Variants in ARHGEF3 observed in about 807,000 individuals in gnomAD.
The protein encoded by ARHGEF3 is 59.8 kDA protein.
In ARHGEF3, 28 loss-of-function variants were observed where a neutral mutation model predicts 63.2. The ratio of observed to expected loss-of-function variants is 0.44; its 90% CI spans 0.33 to 0.61. The LOEUF is 0.61. ARHGEF3 is among the 20% of genes least tolerant of loss of function. ARHGEF3 has a pLI of 0.03. For synonymous variants in ARHGEF3, 266 were observed against 254.2 expected (o/e 1.05, Z -0.44); for missense variants, 533 against 659.3 (o/e 0.81, Z 2.10).
At chr3:56,872,473 A>G (rs12485693) in intron 4 of ARHGEF3, among the ~76,000 whole-genome samples, 15,151 of 151,800 alleles carry the variant, frequency 0.1, 1,032 homozygotes, top group East Asian at 0.3. Flanking sequence ...ATCATAAACA[A>G]TGCTGTAATA....
Position 57,068,102 on chromosome 3 carries a change from G to T in ARHGEF3, c.-28+11124C>A, listed in dbSNP as rs559565034. 1.8e-3 allele frequency among the ~76,000 whole-genome samples: 275 copies of T among 152,114 alleles called. 4 individuals are homozygous for T. In the South Asian group the frequency reaches 0.031, roughly 17 times the overall value. ...GCAAGAGGATCACTTGAGCCCAGAGGACACTAGACACGCATAGGGTAACTA... is the reference window on the plus strand; with the variant it reads ...GCAAGAGGATCACTTGAGCCCAGAGTACACTAGACACGCATAGGGTAACTA... On this transcript the variant is annotated intron_variant, in intron 1 of 12. Coordinates refer to the ARHGEF3 transcript ENST00000338458.
intron 2 of ARHGEF3, among the ~76,000 whole-genome samples, chr3:56,758,253 C>G (rs1364347184): frequency 2.7e-5 from 4 of 150,756 alleles, no homozygotes; most frequent in Non-Finnish European, 5.9e-5. Context: ...TGTACTCCAG[C>G]CTGGGCGACA....
intron 1 of ARHGEF3, chr3:57,079,153 T>C (rs118059814): frequency 1.9e-4 from 73 of 386,848 alleles, no homozygotes; most frequent in East Asian, 1.1e-4. Flanking sequence ...AGCGGGGGTG[T>C]CCCGCCAAAG....
chr3:56,962,914 G>A (rs943184204), intron 2 of ARHGEF3, among the ~76,000 whole-genome samples: 1 of 152,174 alleles, frequency 6.6e-6, no homozygotes, highest in African/African-American at 2.4e-5. Flanking sequence ...AAATGTGACT[G>A]TTTCTCGTCA....
At chr3:57,022,020 C>T (rs1287921355) in intron 2 of ARHGEF3, among the ~76,000 whole-genome samples, 1 of 152,180 alleles carries the variant, frequency 6.6e-6, no homozygotes, top group African/African-American at 2.4e-5. Context: ...CCTGCAATCC[C>T]AGCGCTTTGA....
intron 1 of ARHGEF3, among the ~76,000 whole-genome samples, chr3:57,077,442 G>A (rs1322735007): frequency 2.0e-5 from 3 of 152,124 alleles, no homozygotes; most frequent in Non-Finnish European, 4.4e-5. Flanking sequence ...AGTGCCTCGT[G>A]TAGATTTCAG....
At chr3:57,072,951 C>T (rs1326774898) in intron 1 of ARHGEF3, among the ~76,000 whole-genome samples, 1 of 152,108 alleles carries the variant, frequency 6.6e-6, no homozygotes, top group Non-Finnish European at 1.5e-5. Context: ...GAGGCTGAAG[C>T]AGGAGAATCA....
chr3:56,752,931 G>A (rs1198397602), intron 4 of ARHGEF3, among the ~76,000 whole-genome samples: 1 of 152,222 alleles, frequency 6.6e-6, no homozygotes, highest in Non-Finnish European at 1.5e-5. Context: ...ATCAGATGAA[G>A]GAGTCTGGAT....
intron 2 of ARHGEF3, among the ~76,000 whole-genome samples, chr3:57,022,840 C>T (rs1439497288): frequency 3.3e-5 from 5 of 152,054 alleles, no homozygotes; most frequent in Non-Finnish European, 7.4e-5. Flanking sequence ...TCATCACCCA[C>T]ATCTGTACTG....
At chr3:57,022,989 C>CA (rs1240112476) in intron 2 of ARHGEF3, among the ~76,000 whole-genome samples, 1 of 152,108 alleles carries the variant, frequency 6.6e-6, no homozygotes, top group Non-Finnish European at 1.5e-5. Flanking sequence ...GTTATTCTCT[C>CA]AAAAAAGCTC....
intron 1 of ARHGEF3, among the ~76,000 whole-genome samples, chr3:56,796,539 T>G (rs1438974706): frequency 6.6e-6 from 1 of 152,190 alleles, no homozygotes; most frequent in Non-Finnish European, 1.5e-5. Flanking sequence ...CCCACTCCCG[T>G]GGGTTGCAGC....
intron 3 of ARHGEF3, among the ~76,000 whole-genome samples, chr3:56,937,275 G>C (rs1475859397): frequency 6.6e-6 from 1 of 152,116 alleles, no homozygotes; most frequent in South Asian, 2.1e-4. Flanking sequence ...TGATAACTTA[G>C]GTTTGATGAT....
chr3:57,065,778 T>C (rs6808743), intron 1 of ARHGEF3, among the ~76,000 whole-genome samples: 15,454 of 152,076 alleles, frequency 0.1, 1,016 homozygotes, highest in East Asian at 0.36. Flanking sequence ...AGAGGCAAGG[T>C]CATCCTCATT....
intron 4 of ARHGEF3, among the ~76,000 whole-genome samples, chr3:56,821,017 C>T (rs891939636): frequency 6.6e-6 from 1 of 151,380 alleles, no homozygotes; most frequent in African/African-American, 2.4e-5. Context: ...AAAACATTAG[C>T]CAGGTTTAGT....
At chr3:56,898,842 G>C (rs888400955) in intron 3 of ARHGEF3, among the ~76,000 whole-genome samples, 43 of 152,148 alleles carry the variant, frequency 2.8e-4, no homozygotes, top group African/African-American at 1.0e-3. Flanking sequence ...AGATCACGAG[G>C]TCAAGAGATC....
chr3:57,005,252 T>C (rs1273909243), intron 2 of ARHGEF3, among the ~76,000 whole-genome samples: 1 of 152,182 alleles, frequency 6.6e-6, no homozygotes, highest in Non-Finnish European at 1.5e-5. Flanking sequence ...AATCTTATCA[T>C]AATACTTACC....
chr3:57,031,756 G>C (rs1421588938), intron 2 of ARHGEF3, among the ~76,000 whole-genome samples: 1 of 141,742 alleles, frequency 7.1e-6, no homozygotes, highest in Non-Finnish European at 1.6e-5. Context: ...GATCACGTGA[G>C]GCAGTTTTGG....
chr3:56,967,401 A>AATATTATATTATATATT (rs1553793829), intron 2 of ARHGEF3, among the ~76,000 whole-genome samples: 1 of 29,818 alleles, frequency 3.4e-5, no homozygotes, highest in Non-Finnish European at 5.6e-5. Context: ...TATATTATAT[A>AATATTATATTATATATT]ATATATTATA....
intron 4 of ARHGEF3, among the ~76,000 whole-genome samples, chr3:56,828,180 A>G (rs2038801606): frequency 6.6e-6 from 1 of 152,164 alleles, no homozygotes; most frequent in South Asian, 2.1e-4. Flanking sequence ...TGACTTGCTT[A>G]TCGTGGCAGC....
Sources: gnomAD v4.1 joint callset for allele counts (sites outside exome capture counted in the v4.1 genomes callset) on GRCh38, gnomAD v4.1.1 for gene constraint, MANE v1.5 for transcripts, NCBI Gene and HGNC (gene_info 2026-07-23, HGNC 2026-07-21) for gene names.